The following TANGO6 variants were observed in gnomAD, a reference collection of about 807,000 sequenced individuals.
TANGO6 encodes the protein transport and Golgi organization protein 6 homolog.
TANGO6 carries 90 observed loss-of-function variants against 114.2 expected under a neutral mutation model. The ratio of observed to expected loss-of-function variants is 0.79; its 90% CI spans 0.66 to 0.94. The LOEUF is 0.94. TANGO6 is among the 40% of genes least tolerant of loss of function. The pLI is 0.00. For synonymous variants in TANGO6, 477 were observed against 509.8 expected, an observed-to-expected ratio of 0.94 and a Z score of 0.87; for missense variants, 1,274 against 1,315.3, an observed-to-expected ratio of 0.97 and a Z score of 0.49.
intron 1 of TANGO6, among the ~76,000 whole-genome samples, chr16:68,848,561 A>G (rs1360239002): frequency 6.6e-6 from 1 of 152,234 alleles, no homozygotes; most frequent in African/African-American, 2.4e-5. Context: ...AAAAAGAAAA[A>G]TCCTACCTCT....
At chr16:69,016,163 T>G (rs972664317) in intron 15 of TANGO6, among the ~76,000 whole-genome samples, 1 of 152,234 alleles carries the variant, frequency 6.6e-6, no homozygotes, top group Non-Finnish European at 1.5e-5. Context: ...AGCTTTGATT[T>G]CTTGTTCATG....
chr16:68,846,159 G>A (rs572550094), intron 1 of TANGO6, among the ~76,000 whole-genome samples: 1 of 152,194 alleles, frequency 6.6e-6, no homozygotes, highest in South Asian at 2.1e-4. Flanking sequence ...CCGAGTAGCT[G>A]GGATTACAGG....
intron 4 of TANGO6, among the ~76,000 whole-genome samples, chr16:68,872,005 G>A (rs528489451): frequency 1.3e-5 from 2 of 152,170 alleles, no homozygotes; most frequent in South Asian, 4.2e-4. Flanking sequence ...GCCAACGTGG[G>A]CGGATCACGA....
At chr16:68,909,608 C>A in intron 11 of TANGO6, 1 of 396,166 alleles carries the variant, frequency 2.5e-6, no homozygotes, top group Non-Finnish European at 4.3e-6. Context: ...GTTTAACAAG[C>A]TCCCGAGGTG....
chr16:68,922,937 A>ATC (rs1420058141), intron 12 of TANGO6, among the ~76,000 whole-genome samples: 1 of 99,580 alleles, frequency 1.0e-5, no homozygotes, highest in Non-Finnish European at 2.0e-5. Context: ...TGCTTAGGTC[A>ATC]TGTTTTTTTT....
chr16:68,953,556 A>G (rs1349339663), intron 14 of TANGO6, among the ~76,000 whole-genome samples: 1 of 152,100 alleles, frequency 6.6e-6, no homozygotes, highest in African/African-American at 2.4e-5. Flanking sequence ...TAAAAGGTAC[A>G]TGGTGTTCTC....
At chr16:68,989,296 A>G (rs1172866516) in intron 15 of TANGO6, among the ~76,000 whole-genome samples, 1 of 147,152 alleles carries the variant, frequency 6.8e-6, no homozygotes. Context: ...GCTCTGTTCA[A>G]TTTTTTTTTT....
In TANGO6 at chr16:69,044,866, T is replaced by A. The variant is rs201091814; in HGVS notation, c.3108+4445T>A. 1.5e-4 allele frequency among the ~76,000 whole-genome samples: 23 copies of A among 151,786 alleles called. No individual in the cohort carries two copies. The East Asian group carries it at 2.7e-3, about 18-fold the overall frequency. ...GACCTTATCTGAAAAAGAAAAAAAATTTTAAAAGGCTGGGCGCAGTGCCTC... is the reference window on the plus strand; with the variant it reads ...GACCTTATCTGAAAAAGAAAAAAAAATTTAAAAGGCTGGGCGCAGTGCCTC... On this transcript the variant is annotated intron_variant, in intron 17 of 17. Coordinates refer to ENST00000261778, the MANE Select transcript of TANGO6 (RefSeq NM_024562.2).
At chr16:68,903,883 C>T (rs1962816028) in intron 9 of TANGO6, among the ~76,000 whole-genome samples, 2 of 151,230 alleles carry the variant, frequency 1.3e-5, no homozygotes, top group Admixed American at 6.6e-5. Flanking sequence ...GATTGCGCCA[C>T]TGCACTTCAG....
chr16:69,060,737 T>G (rs897355599), intron 17 of TANGO6, among the ~76,000 whole-genome samples: 9 of 152,156 alleles, frequency 5.9e-5, no homozygotes, highest in Non-Finnish European at 1.0e-4. Flanking sequence ...CTCACACCTG[T>G]AATCCCAGCA....
At chr16:69,005,821 C>A (rs941737680) in intron 15 of TANGO6, among the ~76,000 whole-genome samples, 1 of 151,380 alleles carries the variant, frequency 6.6e-6, no homozygotes, top group Non-Finnish European at 1.5e-5. Context: ...CAAGTTGAAT[C>A]CTCATTTTAC....
At chr16:68,972,170 C>A (rs1041594007) in intron 14 of TANGO6, among the ~76,000 whole-genome samples, 2 of 151,834 alleles carry the variant, frequency 1.3e-5, no homozygotes, top group Non-Finnish European at 2.9e-5. Context: ...TGGTTTAGGA[C>A]CACATGCAGA....
chr16:68,908,378 G>T (rs1425332853), intron 10 of TANGO6, among the ~76,000 whole-genome samples: 1 of 152,010 alleles, frequency 6.6e-6, no homozygotes, highest in Admixed American at 6.6e-5. Flanking sequence ...AAGGGGATGT[G>T]CTCTTAATTG....
At chr16:68,843,857 A>T (rs747929156) in intron 1 of TANGO6, 146 bp downstream of exon 1, 1 of 721,904 alleles carries the variant, frequency 1.4e-6, no homozygotes, top group South Asian at 1.8e-5. Context: ...AGCATTGTCT[A>T]TGCCCGTCCT....
chr16:68,969,461 G>A (rs919980203), intron 14 of TANGO6, among the ~76,000 whole-genome samples: 12 of 151,950 alleles, frequency 7.9e-5, no homozygotes, highest in Non-Finnish European at 1.8e-4. Flanking sequence ...TATTCTCCAG[G>A]GATTTATAAA....
chr16:68,898,180 T>C (rs1403821274), intron 7 of TANGO6, among the ~76,000 whole-genome samples: 1 of 152,020 alleles, frequency 6.6e-6, no homozygotes, highest in African/African-American at 2.4e-5. Context: ...ATTGGTGATA[T>C]CATCATTAGG....
At position 68,866,048 on chromosome 16, in the gene TANGO6, C is replaced by G. The variant is rs186430128; in HGVS notation, c.853-1031C>G. Among the ~76,000 whole-genome samples, 29 of 152,310 alleles carry G rather than the reference C, an allele frequency of 1.9e-4. No individual in the cohort carries two copies. In the East Asian group the frequency reaches 5.4e-3, roughly 28 times the overall value. On this transcript the variant is annotated intron_variant, in intron 3 of 17. Coordinates refer to ENST00000261778, the MANE Select transcript of TANGO6 (RefSeq NM_024562.2). Reference sequence around the variant, plus strand: ...TACCCTCTTAGTGGCAAATAACGTTCATAAGAATCTTCCTTGGAAGCTGGA... The same window carrying G: ...TACCCTCTTAGTGGCAAATAACGTTGATAAGAATCTTCCTTGGAAGCTGGA...
chr16:68,882,432 G>T (rs937602088), intron 7 of TANGO6, among the ~76,000 whole-genome samples: 1 of 151,968 alleles, frequency 6.6e-6, no homozygotes, highest in African/African-American at 2.4e-5. Flanking sequence ...GGAAGGCAGA[G>T]CTTGCAGTGA....
chr16:69,004,514 C>A (rs1421127795), intron 15 of TANGO6, among the ~76,000 whole-genome samples: 4 of 152,076 alleles, frequency 2.6e-5, no homozygotes, highest in Admixed American at 2.0e-4. Context: ...TGCCACCACG[C>A]CCGGCTAATT....
Sources: gnomAD v4.1 joint callset for allele counts (sites outside exome capture counted in the v4.1 genomes callset) on GRCh38, gnomAD v4.1.1 for gene constraint, MANE v1.5 for transcripts, NCBI Gene and HGNC (gene_info 2026-07-23, HGNC 2026-07-21) for gene names.